Variants in PTPRD observed in about 807,000 individuals in gnomAD.
PTPRD encodes the protein receptor-type tyrosine-protein phosphatase delta.
Under a neutral mutation model 214.5 loss-of-function variants are expected in PTPRD, and 34 were observed. The ratio of observed to expected loss-of-function variants is 0.16; its 90% CI spans 0.12 to 0.21. The LOEUF (loss-of-function observed/expected upper bound fraction) is 0.21. PTPRD is among the 10% of genes least tolerant of loss of function. The probability of loss-of-function intolerance (pLI) is 1.00; values close to 1 mark genes in which losing one functional copy is unlikely to be tolerated. For synonymous variants in PTPRD, 1,128 were observed against 845.7 expected, an observed-to-expected ratio of 1.33 and a Z score of -5.79; for missense variants, 2,545 against 2,398.7, an observed-to-expected ratio of 1.06 and a Z score of -1.27.
chr9:9,707,044 T>A (rs1470925086), intron 7 of PTPRD, among the ~76,000 whole-genome samples: 1 of 152,140 alleles, frequency 6.6e-6, no homozygotes, highest in African/African-American at 2.4e-5. Context: ...TATCTGAGAT[T>A]ACAGATAAGA....
chr9:9,460,317 G>A lies in PTPRD; in HGVS notation c.-236-62835C>T, dbSNP rs114347427. On this transcript the variant is annotated intron_variant, in intron 8 of 45. Coordinates refer to ENST00000381196, the MANE Select transcript of PTPRD (RefSeq NM_002839.4). ...TATGACTAAGACCTCAAAAGCAAAT[G>A]CAACAACAATAAAAATAGACAAATT... Among the ~76,000 whole-genome samples the A allele has an allele frequency of 1.3e-3, 197 of 152,014 alleles. 1 individual carries two copies. Among genetic ancestry groups the A allele is most frequent in the African/African-American group, 4.6e-3 (189 of 41,496 alleles).
chr9:9,027,458 A>C (rs990647727), intron 10 of PTPRD, among the ~76,000 whole-genome samples: 3 of 152,002 alleles, frequency 2.0e-5, no homozygotes, highest in Admixed American at 2.0e-4. Flanking sequence ...TTCTTTTTCT[A>C]AATTACTCTC....
At chr9:10,136,693 GA>G (rs2154263223) in intron 3 of PTPRD, among the ~76,000 whole-genome samples, 1 of 91,180 alleles carries the variant, frequency 1.1e-5, no homozygotes, top group African/African-American at 4.7e-5. Flanking sequence ...AGACAAAATT[GA>G]CAAATGGGAT....
At chr9:9,929,614 A>C (rs1036389286) in intron 5 of PTPRD, among the ~76,000 whole-genome samples, 1 of 152,090 alleles carries the variant, frequency 6.6e-6, no homozygotes, top group Non-Finnish European at 1.5e-5. Flanking sequence ...GGATAGTCTC[A>C]ATCTCTTGAC....
At chr9:8,771,683 C>T (rs1047100016) in intron 11 of PTPRD, among the ~76,000 whole-genome samples, 6 of 152,092 alleles carry the variant, frequency 3.9e-5, no homozygotes, top group African/African-American at 1.4e-4. Context: ...AAAGAAAAGT[C>T]GAATACTTAA....
intron 3 of PTPRD, among the ~76,000 whole-genome samples, chr9:10,046,531 C>T (rs1009152672): frequency 6.6e-6 from 1 of 151,796 alleles, no homozygotes; most frequent in African/African-American, 2.4e-5. Flanking sequence ...CTCTGAAAAA[C>T]AGAATGAAAA....
At chr9:9,856,210 A>G (rs2061525992) in intron 5 of PTPRD, among the ~76,000 whole-genome samples, 1 of 152,110 alleles carries the variant, frequency 6.6e-6, no homozygotes, top group Non-Finnish European at 1.5e-5. Flanking sequence ...ATCCAGCTGT[A>G]GTCCCTGACA....
chr9:8,922,170 T>C (rs2098832369), intron 11 of PTPRD, among the ~76,000 whole-genome samples: 1 of 152,354 alleles, frequency 6.6e-6, no homozygotes. Context: ...TTTGTATTTT[T>C]CTCAGCAAAT....
At chr9:9,674,216 G>C (rs544412674) in intron 7 of PTPRD, among the ~76,000 whole-genome samples, 3 of 151,884 alleles carry the variant, frequency 2.0e-5, no homozygotes, top group African/African-American at 2.4e-5. Context: ...GGAGCTGATA[G>C]GCATTGTTCA....
intron 9 of PTPRD, among the ~76,000 whole-genome samples, chr9:9,240,814 C>G (rs1184683588): frequency 6.6e-6 from 1 of 151,982 alleles, no homozygotes; most frequent in Non-Finnish European, 1.5e-5. Context: ...CAGAAACAAC[C>G]AAATTTTATC....
intron 11 of PTPRD, among the ~76,000 whole-genome samples, chr9:8,963,598 G>C (rs1399732098): frequency 6.6e-6 from 1 of 151,972 alleles, no homozygotes; most frequent in African/African-American, 2.4e-5. Flanking sequence ...TTGCATCCCA[G>C]AAATAAAGCC....
At chr9:9,559,110 G>A (rs1476040342) in intron 8 of PTPRD, among the ~76,000 whole-genome samples, 2 of 152,064 alleles carry the variant, frequency 1.3e-5, no homozygotes, top group Non-Finnish European at 2.9e-5. Context: ...AGCCTGTCCT[G>A]CCACACTCTT....
At chr9:9,219,709 G>C (rs1366262959) in intron 9 of PTPRD, among the ~76,000 whole-genome samples, 2 of 152,174 alleles carry the variant, frequency 1.3e-5, no homozygotes, top group African/African-American at 4.8e-5. Context: ...TTGAGCACAA[G>C]TAAACCTTTG....
At chr9:9,406,169 T>C (rs1052887275) in intron 8 of PTPRD, among the ~76,000 whole-genome samples, 7 of 151,970 alleles carry the variant, frequency 4.6e-5, no homozygotes, top group African/African-American at 1.7e-4. Flanking sequence ...GACAAATGTT[T>C]TTGAAACACA....
intron 3 of PTPRD, among the ~76,000 whole-genome samples, chr9:10,311,284 G>A (rs1376245034): frequency 6.6e-6 from 1 of 151,816 alleles, no homozygotes; most frequent in Non-Finnish European, 1.5e-5. Flanking sequence ...TAAACTTAAA[G>A]TTAACCTTTA....
intron 14 of PTPRD, among the ~76,000 whole-genome samples, chr9:8,586,508 G>C (rs962074912): frequency 6.6e-6 from 1 of 151,988 alleles, no homozygotes; most frequent in African/African-American, 2.4e-5. Context: ...TGGGATCAAA[G>C]GCAATTATCA....
At chr9:9,714,639 T>TA (rs1211349703) in intron 7 of PTPRD, among the ~76,000 whole-genome samples, 3 of 152,050 alleles carry the variant, frequency 2.0e-5, no homozygotes, top group Admixed American at 6.6e-5. Context: ...AACAAATAAA[T>TA]AAAAAACATT....
At chr9:8,334,246 ATT>A (rs1212732697) in intron 43 of PTPRD, among the ~76,000 whole-genome samples, 1 of 152,122 alleles carries the variant, frequency 6.6e-6, no homozygotes, top group Non-Finnish European at 1.5e-5. Context: ...TCAACACCAC[ATT>A]GCACTTATTC....
chr9:9,565,391 T>C (rs1157691036), intron 8 of PTPRD, among the ~76,000 whole-genome samples: 2 of 151,828 alleles, frequency 1.3e-5, no homozygotes, highest in Non-Finnish European at 2.9e-5. Flanking sequence ...TTGCAAAAAA[T>C]TGCATGTATT....
Sources: allele counts gnomAD v4.1 joint callset (sites outside exome capture counted in the v4.1 genomes callset), GRCh38; gene constraint gnomAD v4.1.1; transcripts MANE v1.5; gene names NCBI Gene and HGNC (gene_info 2026-07-23, HGNC 2026-07-21).